WDR48: variants seen among roughly 807,000 people sequenced by gnomAD.
The protein encoded by WDR48 is WD repeat domain 48.
WDR48 carries 22 observed loss-of-function variants against 94.0 expected under a neutral mutation model. The ratio of observed to expected loss-of-function variants is 0.23; its 90% CI spans 0.17 to 0.33. The LOEUF is 0.33. WDR48 is among the 10% of genes least tolerant of loss of function. The pLI is 1.00. For synonymous variants in WDR48, 278 were observed against 280.5 expected (o/e 0.99, Z 0.09); for missense variants, 541 against 813.8 (o/e 0.66, Z 4.08).
In WDR48 at chr3:39,084,225, A is replaced by G; in HGVS notation, c.1244A>G (p.Tyr415Cys). 2.5e-6 allele frequency: 4 copies of G among 1,612,620 alleles called. No homozygotes were observed. Among genetic ancestry groups the G allele is most frequent in the Non-Finnish European group, 3.4e-6 (4 of 1,179,090 alleles). Reference sequence around the variant, plus strand: ...ATTAAGAAAAGATTTAAAATGGTGTATGTGCCAAATTGGTTCTCAGTAGAC... The same window carrying G: ...ATTAAGAAAAGATTTAAAATGGTGTGTGTGCCAAATTGGTTCTCAGTAGAC... Reference protein sequence around the residue: ...DEIKKRFKMVYVPNWFSVDLK... With the variant: ...DEIKKRFKMVCVPNWFSVDLK... Residue 415 changes from tyrosine (Y) to cysteine (C), a missense_variant, in exon 12 of 19, where the codon TAT (tyrosine) becomes TGT (cysteine). Tyr to Cys is a radical substitution (Grantham distance 194, BLOSUM62 -2). Around this residue, in one of 5 missense-constraint regions of WDR48, gnomAD observed 238 missense variants for 285.3 expected, o/e 0.83. Coordinates refer to ENST00000302313, the MANE Select transcript of WDR48 (RefSeq NM_020839.4).
chr3:39,078,570 T>C (rs2034353326), intron 10 of WDR48, among the ~76,000 whole-genome samples: 1 of 151,764 alleles, frequency 6.6e-6, no homozygotes, highest in Non-Finnish European at 1.5e-5. Context: ...AGGTGTGAGC[T>C]ACCATGCCCA....
chr3:39,094,191 C>A (rs2035224250), intron 18 of WDR48, 125 bp downstream of exon 18: 1 of 1,465,462 alleles, frequency 6.8e-7, no homozygotes, highest in South Asian at 1.5e-5. Context: ...CCTCTCCTAC[C>A]TAAAGCCCAC....
chr3:39,064,891 T>C (rs181275117), intron 2 of WDR48, among the ~76,000 whole-genome samples: 1 of 152,312 alleles, frequency 6.6e-6, no homozygotes, highest in East Asian at 1.9e-4. Context: ...TTTTGGTACT[T>C]ATAATTGAAT....
At chr3:39,057,685 C>G (rs998780511) in intron 1 of WDR48, among the ~76,000 whole-genome samples, 4 of 152,212 alleles carry the variant, frequency 2.6e-5, no homozygotes, top group East Asian at 1.9e-4. Flanking sequence ...TGCAGTGGCA[C>G]CGTCATGGCT....
intron 8 of WDR48, 65 bp downstream of exon 8, chr3:39,075,015 CAAAA>C: frequency 2.0e-6 from 3 of 1,490,296 alleles, no homozygotes; most frequent in Non-Finnish European, 2.7e-6. Flanking sequence ...CCAAATAGAG[CAAAA>C]GCTATATTAA....
Position 39,094,381 on chromosome 3 carries a change from T to A in WDR48, c.1939-267T>A, listed in dbSNP as rs573328635. On this transcript the variant is annotated intron_variant, in intron 18 of 18. Transcript: ENST00000302313. ...GGTGTGCGGAGAAATGGCAGAACTGTTTTTTAAATCAAGATGCACTCAAAA... is the reference window on the plus strand; with the variant it reads ...GGTGTGCGGAGAAATGGCAGAACTGATTTTTAAATCAAGATGCACTCAAAA... 49 of 1,469,590 alleles carry A rather than the reference T, an allele frequency of 3.3e-5. No individual in the cohort carries two copies. The African/African-American group carries it at 6.3e-4, about 19-fold the overall frequency. 91.0% of individuals were successfully genotyped at this position (1,469,590 alleles called of 1,614,324 possible). A position where few individuals can be genotyped will look rare whatever the true frequency, so the allele number is the denominator to read the frequency against.
At chr3:39,060,930 G>A (rs1187282121) in intron 1 of WDR48, among the ~76,000 whole-genome samples, 2 of 152,200 alleles carry the variant, frequency 1.3e-5, no homozygotes, top group Non-Finnish European at 2.9e-5. Context: ...TCGGGCCACT[G>A]CTTTCCAGCC....
chr3:39,096,652 TTTAG>T lies in WDR48; in HGVS notation c.*1913_*1916del, dbSNP rs1192751800. ...TTTCACAGTTGTATAGAATAAAGGC[TTTAG>T]TTAAAATATTTCAAAGTGTAGTACA... On this transcript the variant is annotated 3_prime_UTR_variant, in exon 19 of 19. Coordinates refer to ENST00000302313, the MANE Select transcript of WDR48 (RefSeq NM_020839.4). The T allele has an allele frequency of 6.6e-6, 1 of 152,242 alleles. No individual in the cohort carries two copies. The highest frequency in any genetic ancestry group is 1.5e-5 in the Non-Finnish European group (1 of 68,048). The allele number at this position is 152,242 out of a possible 1,614,324, so 9.4% of individuals were successfully genotyped here. A position where few individuals can be genotyped will look rare whatever the true frequency, so the allele number is the denominator to read the frequency against.
In WDR48 at chr3:39,063,014, T is replaced by C. The variant is rs2033368145; in HGVS notation, c.49-36T>C. ...CTATATTTTATTACTGCATGGCTTG[T>C]ACTTTATAAAAAGCATATGTTGACA... On this transcript the variant is annotated intron_variant, in intron 1 of 18. Transcript: ENST00000302313. The C allele has an allele frequency of 3.1e-6, 5 of 1,612,182 alleles. No homozygotes were observed. In the African/African-American group the frequency reaches 4.0e-5, roughly 13 times the overall value.
intron 7 of WDR48, 121 bp from the exon 8 acceptor site, chr3:39,074,605 C>G: frequency 1.0e-6 from 1 of 981,950 alleles, no homozygotes; most frequent in Non-Finnish European, 1.5e-6. Context: ...TTATCAGAGG[C>G]AGAAACACAG....
At chr3:39,077,966 C>T in intron 9 of WDR48, 171 bp from the exon 10 acceptor site, 1 of 534,186 alleles carries the variant, frequency 1.9e-6, no homozygotes, top group East Asian at 3.2e-5. Context: ...AAATTTGTTT[C>T]TTTCTAAACG....
At chr3:39,054,598 C>T (rs956403621) in intron 1 of WDR48, among the ~76,000 whole-genome samples, 12 of 152,172 alleles carry the variant, frequency 7.9e-5, no homozygotes, top group African/African-American at 2.9e-4. Context: ...TTCCCTTTAG[C>T]CCAGAATTCC....
intron 8 of WDR48, 113 bp from the exon 9 acceptor site, chr3:39,077,026 G>A (rs973802453): frequency 3.4e-6 from 4 of 1,169,812 alleles, no homozygotes; most frequent in Non-Finnish European, 5.0e-6. Flanking sequence ...ACATGCCCAG[G>A]TATAGTCACC....
chr3:39,087,434 T>C (rs1487835321), intron 14 of WDR48, among the ~76,000 whole-genome samples: 1 of 152,184 alleles, frequency 6.6e-6, no homozygotes, highest in African/African-American at 2.4e-5. Flanking sequence ...CTGGGCGATA[T>C]AGCAAGATCC....
chr3:39,088,185 C>T lies in WDR48; in HGVS notation c.1532C>T (p.Pro511Leu), dbSNP rs2034906631. Residue 511 changes from proline to leucine, a missense_variant, in exon 15 of 19, where the codon CCA becomes CTA. By Grantham distance (98) the Pro-to-Leu change is moderately conservative. Coordinates refer to ENST00000302313, the MANE Select transcript of WDR48 (RefSeq NM_020839.4). ...QKGNGYFQVP[P>L]HTPVIFGEAG... is the part of the protein sequence containing the mutation. The stretch of plus-strand genomic sequence containing the variant: ...GGAAATGGATATTTTCAAGTGCCCC[C>T]ACATACACCCGTGATCTTTGGTGAA... 6.2e-7 allele frequency: 1 copy of T among 1,614,056 alleles called. No individual in the cohort carries two copies. Among genetic ancestry groups the T allele is most frequent in the South Asian group, 1.1e-5 (1 of 91,084 alleles).
chr3:39,085,594 A>G lies in WDR48; in HGVS notation c.1458A>G (p.Glu486=). ...RTHVNPMDEE[E]NEVNHVNGEQ... Reference sequence around the variant, plus strand: ...ATGTGAATCCAATGGATGAAGAGGAAAATGAAGTAAACCATGGTTAGTTTT... The same window carrying G: ...ATGTGAATCCAATGGATGAAGAGGAGAATGAAGTAAACCATGGTTAGTTTT... The change falls in exon 14 of 19, where the codon GAA becomes GAG. Residue 486 remains glutamate (E), a synonymous_variant. Transcript: ENST00000302313. 6.2e-7 allele frequency: 1 copy of G among 1,610,950 alleles called. No homozygotes were observed. Among genetic ancestry groups the G allele is most frequent in the Non-Finnish European group, 8.5e-7 (1 of 1,179,100 alleles).
At chr3:39,076,932 C>T (rs1447089870) in intron 8 of WDR48, among the ~76,000 whole-genome samples, 1 of 152,154 alleles carries the variant, frequency 6.6e-6, no homozygotes, top group Non-Finnish European at 1.5e-5. Flanking sequence ...TGAGAAATTA[C>T]CCCATTACAC....
intron 17 of WDR48, among the ~76,000 whole-genome samples, chr3:39,092,249 T>C: frequency 6.6e-6 from 1 of 152,190 alleles, no homozygotes; most frequent in South Asian, 2.1e-4. Flanking sequence ...CTGTATATAA[T>C]AGTTGTTTTT....
At chr3:39,077,302 G>T in intron 9 of WDR48, 89 bp downstream of exon 9, 2 of 1,433,220 alleles carry the variant, frequency 1.4e-6, no homozygotes, top group Non-Finnish European at 9.7e-7. Flanking sequence ...GCTCAGTGTG[G>T]CCCTAACTCT....
Sources: allele counts gnomAD v4.1 joint callset (sites outside exome capture counted in the v4.1 genomes callset), GRCh38; gene constraint gnomAD v4.1.1; regional missense constraint gnomAD v4.1.1; transcripts MANE v1.5; gene names NCBI Gene and HGNC (gene_info 2026-07-23, HGNC 2026-07-21).